SGCZ: variants seen among roughly 807,000 people sequenced by gnomAD.
SGCZ encodes sarcoglycan zeta.
SGCZ carries 40 observed loss-of-function variants against 41.3 expected under a neutral mutation model. The observed-to-expected ratio is 0.97, with a 90% CI of 0.75 to 1.26. The LOEUF (loss-of-function observed/expected upper bound fraction) is 1.26, where lower values mean the gene tolerates loss of function less well. SGCZ is among the 50% of genes most tolerant of loss of function. SGCZ has a pLI of 0.00. For missense variants in SGCZ, 552 were observed against 369.8 expected (o/e 1.49, Z -4.04); for synonymous variants, 206 against 137.5 (o/e 1.50, Z -3.49).
intron 3 of SGCZ, among the ~76,000 whole-genome samples, chr8:14,269,245 A>C (rs1428925242): frequency 6.6e-6 from 1 of 152,196 alleles, no homozygotes; most frequent in Non-Finnish European, 1.5e-5. Context: ...TTAATGGCTC[A>C]AATTTATTTT....
chr8:14,708,805 T>G (rs1240522443), intron 1 of SGCZ, among the ~76,000 whole-genome samples: 2 of 104,094 alleles, frequency 1.9e-5, no homozygotes, highest in Non-Finnish European at 3.9e-5. Context: ...GAATGATGTT[T>G]TATTCGAGTG....
chr8:14,758,775 G>A (rs1837874), intron 1 of SGCZ, among the ~76,000 whole-genome samples: 89,740 of 151,986 alleles, frequency 0.59, 26,734 homozygotes, highest in East Asian at 0.75. Flanking sequence ...TTGGGAGGCC[G>A]AGGCGGGTGG....
intron 1 of SGCZ, among the ~76,000 whole-genome samples, chr8:14,654,621 G>C (rs1276397715): frequency 1.3e-5 from 2 of 151,990 alleles, no homozygotes; most frequent in Non-Finnish European, 2.9e-5. Context: ...GCCCAGGCTG[G>C]AATGCAATGG....
At chr8:14,572,906 C>T (rs1027388042) in intron 1 of SGCZ, among the ~76,000 whole-genome samples, 7 of 152,192 alleles carry the variant, frequency 4.6e-5, no homozygotes, top group African/African-American at 1.7e-4. Context: ...CCATGTCAGG[C>T]TGTTTCTGCA....
intron 1 of SGCZ, among the ~76,000 whole-genome samples, chr8:15,225,404 T>C (rs186880803): frequency 6.6e-6 from 1 of 152,264 alleles, no homozygotes; most frequent in Admixed American, 6.5e-5. Context: ...GACAAGTACT[T>C]ATGCAATATT....
At chr8:15,030,433 T>C (rs1803619025) in intron 1 of SGCZ, among the ~76,000 whole-genome samples, 1 of 152,114 alleles carries the variant, frequency 6.6e-6, no homozygotes, top group Non-Finnish European at 1.5e-5. Context: ...TCATGGTAAA[T>C]ATTTCATATT....
At chr8:14,439,684 C>A (rs1002126481) in intron 2 of SGCZ, among the ~76,000 whole-genome samples, 1 of 151,836 alleles carries the variant, frequency 6.6e-6, no homozygotes, top group African/African-American at 2.4e-5. Flanking sequence ...ATTACATTAT[C>A]ATATGAACTG....
intron 1 of SGCZ, among the ~76,000 whole-genome samples, chr8:14,751,193 C>G (rs972018): frequency 6.6e-6 from 1 of 151,804 alleles, no homozygotes; most frequent in African/African-American, 2.4e-5. Flanking sequence ...GAATATAGTT[C>G]GTAAGCACAT....
rs1563357276 is a variant in SGCZ at position 14,480,904 on chromosome 8, T to C, written c.234+73828A>G. ...ACTTGTACTCCTGAACTTAAAAGTT[T>C]GAAAAAAGAATAACATTCTTATAAA... On this transcript the variant is annotated intron_variant, in intron 2 of 7. Transcript: ENST00000382080. Among the ~76,000 whole-genome samples the C allele has an allele frequency of 2.6e-5, 4 of 152,056 alleles. 1 individual carries two copies. The South Asian group carries it at 8.3e-4, about 32-fold the overall frequency.
At chr8:14,403,654 T>A (rs1368717663) in intron 2 of SGCZ, among the ~76,000 whole-genome samples, 2 of 152,176 alleles carry the variant, frequency 1.3e-5, no homozygotes, top group African/African-American at 4.8e-5. Context: ...TTAGTGTTCA[T>A]CAAAAAACTT....
chr8:14,991,399 T>A (rs1303435795), intron 1 of SGCZ, among the ~76,000 whole-genome samples: 1 of 152,290 alleles, frequency 6.6e-6, no homozygotes, highest in Middle Eastern at 3.4e-3. Flanking sequence ...TGTAACAAAA[T>A]CTGCAAATGA....
At chr8:15,101,659 G>A (rs1246501182) in intron 1 of SGCZ, among the ~76,000 whole-genome samples, 7 of 152,086 alleles carry the variant, frequency 4.6e-5, no homozygotes, top group African/African-American at 9.7e-5. Context: ...GGCCAGGAGC[G>A]GTGGCTCACG....
intron 1 of SGCZ, among the ~76,000 whole-genome samples, chr8:14,902,370 G>A (rs1048401209): frequency 6.6e-6 from 1 of 152,014 alleles, no homozygotes; most frequent in African/African-American, 2.4e-5. Context: ...TGACCCCTGC[G>A]ACTTGGTCAG....
intron 1 of SGCZ, among the ~76,000 whole-genome samples, chr8:14,556,913 T>C (rs1804050953): frequency 6.6e-6 from 1 of 152,050 alleles, no homozygotes. Context: ...AGTATTTTTT[T>C]TGTATAATGA....
intron 3 of SGCZ, among the ~76,000 whole-genome samples, chr8:14,283,916 T>C (rs1031893156): frequency 6.6e-6 from 1 of 152,226 alleles, no homozygotes; most frequent in African/African-American, 2.4e-5. Context: ...GTAGAATTTG[T>C]TCTTGTTTAA....
intron 1 of SGCZ, among the ~76,000 whole-genome samples, chr8:14,836,342 G>A (rs150125652): frequency 9.9e-5 from 15 of 152,124 alleles, no homozygotes; most frequent in African/African-American, 3.1e-4. Flanking sequence ...AAGATTATTG[G>A]GAGAATATTT....
intron 1 of SGCZ, among the ~76,000 whole-genome samples, chr8:14,573,351 T>C (rs112831750): frequency 0.018 from 2,731 of 149,116 alleles, 86 homozygotes; most frequent in African/African-American, 0.063. Flanking sequence ...GAGCCCTCCA[T>C]CGCGCCCGGC....
At chr8:15,017,922 C>T (rs1803101109) in intron 1 of SGCZ, among the ~76,000 whole-genome samples, 1 of 152,134 alleles carries the variant, frequency 6.6e-6, no homozygotes, top group Non-Finnish European at 1.5e-5. Flanking sequence ...TAAAGGAGCT[C>T]TCTCACAATT....
chr8:14,495,899 C>T (rs1801974094), intron 2 of SGCZ, among the ~76,000 whole-genome samples: 1 of 152,194 alleles, frequency 6.6e-6, no homozygotes, highest in Non-Finnish European at 1.5e-5. Flanking sequence ...CAGCTGAGTC[C>T]ATCCCTAAGG....
Sources: allele counts gnomAD v4.1 joint callset (sites outside exome capture counted in the v4.1 genomes callset), GRCh38; gene constraint gnomAD v4.1.1; transcripts MANE v1.5; gene names NCBI Gene and HGNC (gene_info 2026-07-23, HGNC 2026-07-21).